Variants in TIAM1 observed in about 807,000 individuals in gnomAD.
The protein encoded by TIAM1 is TIAM Rac1 associated GEF 1.
A neutral mutation model predicts 163.5 loss-of-function variants in TIAM1; 65 were observed. The observed-to-expected ratio is 0.40, with a 90% CI of 0.33 to 0.49. TIAM1 has a LOEUF of 0.49. Ranked by LOEUF, TIAM1 falls within the 20% of genes least tolerant of loss-of-function variation. The pLI is 0.77. For synonymous variants in TIAM1, 833 were observed against 810.1 expected, an observed-to-expected ratio of 1.03 and a Z score of -0.48; for missense variants, 1,789 against 2,044.7, an observed-to-expected ratio of 0.87 and a Z score of 2.41.
intron 2 of TIAM1, among the ~76,000 whole-genome samples, chr21:31,364,920 T>C (rs1345124454): frequency 6.6e-6 from 1 of 152,236 alleles, no homozygotes; most frequent in Non-Finnish European, 1.5e-5. Flanking sequence ...TACTCTCTAT[T>C]GAGCTCTGCC....
At chr21:31,204,674 G>C (rs941623049) in intron 11 of TIAM1, among the ~76,000 whole-genome samples, 2 of 152,218 alleles carry the variant, frequency 1.3e-5, no homozygotes, top group African/African-American at 4.8e-5. Flanking sequence ...GTCTTCAGGA[G>C]TGTCTGCAGC....
At chr21:31,366,741 C>T (rs1404386495) in intron 2 of TIAM1, among the ~76,000 whole-genome samples, 7 of 152,278 alleles carry the variant, frequency 4.6e-5, no homozygotes, top group Admixed American at 3.3e-4. Flanking sequence ...CTCAACCTCC[C>T]GAGTAGCTGG....
chr21:31,160,113 A>G (rs2083837133), intron 16 of TIAM1, among the ~76,000 whole-genome samples: 2 of 152,222 alleles, frequency 1.3e-5, no homozygotes, highest in African/African-American at 4.8e-5. Context: ...TCAAAATCTC[A>G]ATAACCAAAA....
intron 2 of TIAM1, among the ~76,000 whole-genome samples, chr21:31,444,510 T>C (rs1042047227): frequency 4.0e-5 from 6 of 151,656 alleles, no homozygotes; most frequent in African/African-American, 9.7e-5. Context: ...AAATGAGGGA[T>C]AGATGACTAA....
chr21:31,189,033 C>T (rs565804796), intron 13 of TIAM1, among the ~76,000 whole-genome samples: 2 of 140,532 alleles, frequency 1.4e-5, no homozygotes, highest in South Asian at 2.4e-4. Context: ...GTATGATTTG[C>T]TCCATTCCCT....
Position 31,182,450 on chromosome 21 carries a change from C to A in TIAM1, c.2858G>T (p.Ser953Ile), listed in dbSNP as rs369626434. ...RVDGPADLGE[S>I]PLAFLTSNPG... Reference sequence around the variant, plus strand: ...GTTGCTGGTGAGAAAGGCGAGGGGGCTCTCGCCAAGGTCGGCAGGGCCGTC... The same window carrying A: ...GTTGCTGGTGAGAAAGGCGAGGGGGATCTCGCCAAGGTCGGCAGGGCCGTC... Residue 953 changes from serine (S) to isoleucine (I), a missense_variant, in exon 15 of 28, where the codon AGC (serine) becomes ATC (isoleucine). Around this residue, in one of 5 missense-constraint regions of TIAM1, gnomAD observed 303 missense variants for 321.3 expected, o/e 0.94. Transcript: ENST00000541036. The A allele has an allele frequency of 6.3e-7, 1 of 1,595,030 alleles. No homozygotes were observed. The highest frequency in any genetic ancestry group is 8.5e-7 in the Non-Finnish European group (1 of 1,171,260).
At chr21:31,391,092 A>G (rs2076957665) in intron 2 of TIAM1, among the ~76,000 whole-genome samples, 1 of 152,028 alleles carries the variant, frequency 6.6e-6, no homozygotes. Flanking sequence ...CTGGCAAGGT[A>G]GAGGACGATG....
intron 15 of TIAM1, among the ~76,000 whole-genome samples, chr21:31,181,283 C>T (rs181554671): frequency 6.6e-6 from 1 of 152,284 alleles, no homozygotes; most frequent in African/African-American, 2.4e-5. Context: ...AATATAAACC[C>T]AGTCTCAGGA....
chr21:31,525,906 C>T (rs1490536043), intron 1 of TIAM1, among the ~76,000 whole-genome samples: 3 of 151,642 alleles, frequency 2.0e-5, no homozygotes, highest in East Asian at 2.0e-4. Context: ...TGGTGGCGGG[C>T]GCCTGTAGTC....
At chr21:31,507,484 G>T (rs1366024660) in intron 1 of TIAM1, among the ~76,000 whole-genome samples, 1 of 151,882 alleles carries the variant, frequency 6.6e-6, no homozygotes, top group Non-Finnish European at 1.5e-5. Flanking sequence ...TGGGATTACA[G>T]GTGTGAGCCT....
At chr21:31,424,388 C>T (rs1209424834) in intron 2 of TIAM1, among the ~76,000 whole-genome samples, 3 of 152,190 alleles carry the variant, frequency 2.0e-5, no homozygotes, top group Non-Finnish European at 2.9e-5. Context: ...TGGATGCCAT[C>T]CAAGTACCCA....
At chr21:31,407,793 G>A (rs113121283) in intron 2 of TIAM1, among the ~76,000 whole-genome samples, 2,149 of 151,824 alleles carry the variant, frequency 0.014, 26 homozygotes, top group Middle Eastern at 0.041. Flanking sequence ...CCGCCACCAC[G>A]CCTGGGTAAT....
At chr21:31,408,322 C>A (rs916945372) in intron 2 of TIAM1, among the ~76,000 whole-genome samples, 1 of 152,172 alleles carries the variant, frequency 6.6e-6, no homozygotes, top group African/African-American at 2.4e-5. Flanking sequence ...ATTTAGGTCA[C>A]TGACATCAAG....
At chr21:31,506,281 C>CACACACAT (rs1556009401) in intron 1 of TIAM1, among the ~76,000 whole-genome samples, 1 of 150,772 alleles carries the variant, frequency 6.6e-6, no homozygotes, top group African/African-American at 2.4e-5. Flanking sequence ...CACACACACA[C>CACACACAT]ATATGCATCT....
intron 2 of TIAM1, among the ~76,000 whole-genome samples, chr21:31,299,732 A>T (rs953994801): frequency 6.6e-6 from 1 of 151,750 alleles, no homozygotes; most frequent in Admixed American, 6.6e-5. Flanking sequence ...ATCGGCGGGG[A>T]TTTTGCCTCT....
chr21:31,262,106 A>G (rs2072511387), intron 4 of TIAM1, among the ~76,000 whole-genome samples: 1 of 152,234 alleles, frequency 6.6e-6, no homozygotes, highest in Non-Finnish European at 1.5e-5. Flanking sequence ...GCAGAACCCT[A>G]GAACAATGAG....
chr21:31,504,086 T>C (rs2046951670), intron 1 of TIAM1, among the ~76,000 whole-genome samples: 1 of 152,186 alleles, frequency 6.6e-6, no homozygotes, highest in African/African-American at 2.4e-5. Flanking sequence ...AGAGCCTGAA[T>C]CTTCCAGATG....
chr21:31,369,369 G>A (rs373670489), intron 2 of TIAM1, among the ~76,000 whole-genome samples: 2 of 152,100 alleles, frequency 1.3e-5, no homozygotes, highest in Non-Finnish European at 2.9e-5. Flanking sequence ...AACCTCCAAG[G>A]CAATGGTATT....
At chr21:31,295,268 A>C (rs892156578) in intron 2 of TIAM1, among the ~76,000 whole-genome samples, 2 of 152,130 alleles carry the variant, frequency 1.3e-5, no homozygotes, top group Admixed American at 1.3e-4. Context: ...CAGGAAATCG[A>C]GACCATCCCG....
Sources: allele counts gnomAD v4.1 joint callset (sites outside exome capture counted in the v4.1 genomes callset), GRCh38; gene constraint gnomAD v4.1.1; regional missense constraint gnomAD v4.1.1; transcripts MANE v1.5; gene names NCBI Gene and HGNC (gene_info 2026-07-23, HGNC 2026-07-21).